The following KALRN variants were observed in gnomAD, a reference collection of about 807,000 sequenced individuals.
KALRN encodes the protein kalirin RhoGEF kinase, also known as kalirin.
In KALRN, 70 loss-of-function variants were observed where a neutral mutation model predicts 353.7. The ratio of observed to expected loss-of-function variants is 0.20; its 90% CI spans 0.16 to 0.24. The LOEUF is 0.24. Among genes scored for constraint, KALRN ranks in the 10% least tolerant of loss-of-function variants. KALRN has a pLI of 1.00. For missense variants in KALRN, 2,791 were observed against 3,756.7 expected, an observed-to-expected ratio of 0.74 and a Z score of 6.72; for synonymous variants, 1,391 against 1,434.8, an observed-to-expected ratio of 0.97 and a Z score of 0.69.
intron 14 of KALRN, among the ~76,000 whole-genome samples, chr3:124,413,989 C>G (rs1160182891): frequency 6.6e-6 from 1 of 151,956 alleles, no homozygotes; most frequent in Non-Finnish European, 1.5e-5. Flanking sequence ...GCCTATAATC[C>G]CAGCTACTCA....
At chr3:124,453,492 G>A (rs2059001838) in intron 21 of KALRN, among the ~76,000 whole-genome samples, 1 of 152,154 alleles carries the variant, frequency 6.6e-6, no homozygotes, top group Non-Finnish European at 1.5e-5. Flanking sequence ...AGGGGCTGTA[G>A]ATAGGCCTGG....
intron 1 of KALRN, among the ~76,000 whole-genome samples, chr3:124,175,583 G>A (rs936314989): frequency 6.6e-6 from 1 of 151,960 alleles, no homozygotes; most frequent in African/African-American, 2.4e-5. Context: ...CTGCTCTCCA[G>A]GATGTGGAGG....
chr3:124,362,459 T>A (rs2149694847), intron 10 of KALRN, among the ~76,000 whole-genome samples: 1 of 152,364 alleles, frequency 6.6e-6, no homozygotes, highest in Middle Eastern at 3.4e-3. Context: ...CCAAGCCTCA[T>A]CAGGATTGGT....
intron 25 of KALRN, among the ~76,000 whole-genome samples, chr3:124,472,575 A>G (rs539676529): frequency 4.2e-4 from 63 of 148,722 alleles, no homozygotes; most frequent in South Asian, 1.7e-3. Flanking sequence ...GTGTGTGTAT[A>G]TGTGTGTGTG....
In KALRN at chr3:124,719,234, A is replaced by C. The variant is rs1409264332; in HGVS notation, c.8725A>C (p.Asn2909His). Residue 2909 changes from asparagine (N) to histidine (H), a missense_variant, in exon 60 of 60, where the codon AAT becomes CAT. Physicochemically the swap from Asn to His is moderately conservative, Grantham distance 68. Coordinates refer to ENST00000682506, the MANE Select transcript of KALRN (RefSeq NM_001388419.1). This position sits in a 1 kb window ranked among gnomAD's most constrained non-coding sequence, Gnocchi z 5.3. Reference protein sequence around the residue: ...FPHEYFCGVSNAARDFINVIL... With the variant: ...FPHEYFCGVSHAARDFINVIL... ...CCATGAATACTTCTGTGGTGTGAGC[A>C]ATGCTGCCAGAGATTTCATCAATGT... The C allele has an allele frequency of 7.4e-6, 12 of 1,614,240 alleles. No homozygotes were observed. Among genetic ancestry groups the C allele is most frequent in the Middle Eastern group, 1.6e-4 (1 of 6,062 alleles).
Position 124,057,640 on chromosome 3 carries a change from G to A in KALRN, c.73+23827G>A, listed in dbSNP as rs78077463. Among the ~76,000 whole-genome samples the A allele has an allele frequency of 9.2e-3, 1,402 of 152,156 alleles. 16 individuals are homozygous for A. Among genetic ancestry groups the A allele is most frequent in the Non-Finnish European group, 0.011 (773 of 68,022 alleles). ...CGCGTGCCAAACTCCCAAGCAGAAG[G>A]AGCCTGGGCCTGGGTGGTGGAGCCC... On this transcript the variant is annotated intron_variant, in intron 1 of 59. Transcript: ENST00000682506.
intron 5 of KALRN, among the ~76,000 whole-genome samples, chr3:124,286,865 G>T (rs2075961347): frequency 6.6e-6 from 1 of 151,820 alleles, no homozygotes; most frequent in African/African-American, 2.4e-5. Context: ...ATTTTTCTCT[G>T]TCTCTTTATA....
chr3:124,372,567 AT>A (rs1430641525), intron 10 of KALRN, among the ~76,000 whole-genome samples: 17 of 151,952 alleles, frequency 1.1e-4, no homozygotes, highest in Non-Finnish European at 2.2e-4. Context: ...ACTTTGGTTT[AT>A]TCTGACTTCT....
intron 34 of KALRN, among the ~76,000 whole-genome samples, chr3:124,609,333 G>T (rs1249348907): frequency 6.6e-6 from 1 of 152,100 alleles, no homozygotes; most frequent in East Asian, 1.9e-4. Context: ...TAAGAAATGG[G>T]TGGGTGATGT....
intron 1 of KALRN, among the ~76,000 whole-genome samples, chr3:124,192,036 A>G (rs1311059412): frequency 2.6e-5 from 4 of 152,222 alleles, no homozygotes; most frequent in African/African-American, 4.8e-5. Flanking sequence ...CTAGGGGACT[A>G]CTGTTATCAG....
At chr3:124,512,224 T>G (rs909085357) in intron 33 of KALRN, among the ~76,000 whole-genome samples, 2 of 152,228 alleles carry the variant, frequency 1.3e-5, no homozygotes, top group African/African-American at 4.8e-5. Context: ...TGACATAAAC[T>G]AGTAAGTCGG....
intron 23 of KALRN, among the ~76,000 whole-genome samples, chr3:124,458,687 G>C (rs576721165): frequency 2.0e-5 from 3 of 152,208 alleles, no homozygotes; most frequent in African/African-American, 4.8e-5. Flanking sequence ...TGTAACTTTG[G>C]GGGGCTGAGG....
At chr3:124,431,264 T>C (rs559621657) in intron 16 of KALRN, among the ~76,000 whole-genome samples, 44 of 152,360 alleles carry the variant, frequency 2.9e-4, no homozygotes, top group African/African-American at 1.1e-3. Flanking sequence ...ATAATGAGCA[T>C]TGGAGCAGAT....
chr3:124,304,936 C>G (rs909287364), intron 6 of KALRN, among the ~76,000 whole-genome samples: 3 of 152,188 alleles, frequency 2.0e-5, no homozygotes, highest in Non-Finnish European at 1.5e-5. Context: ...CTACCCAGCC[C>G]TCATTCTTAG....
chr3:124,065,133 G>A (rs1312713239), intron 1 of KALRN, among the ~76,000 whole-genome samples: 1 of 152,192 alleles, frequency 6.6e-6, no homozygotes, highest in Admixed American at 6.5e-5. Context: ...TTGAGTGGAA[G>A]GAGTTCTGGA....
chr3:124,533,655 A>C (rs1038376050), intron 33 of KALRN, among the ~76,000 whole-genome samples: 7 of 152,154 alleles, frequency 4.6e-5, no homozygotes, highest in African/African-American at 1.7e-4. Context: ...TGTCAAAAAA[A>C]CCAAAAACAA....
At chr3:124,633,115 A>G (rs2080961761) in intron 35 of KALRN, among the ~76,000 whole-genome samples, 2 of 152,248 alleles carry the variant, frequency 1.3e-5, no homozygotes, top group Admixed American at 1.3e-4. Flanking sequence ...GCAGTGCCAC[A>G]CATCAAAAGG....
chr3:124,273,972 T>C (rs1395297692), intron 5 of KALRN, among the ~76,000 whole-genome samples: 1 of 152,202 alleles, frequency 6.6e-6, no homozygotes, highest in Non-Finnish European at 1.5e-5. Flanking sequence ...CCCTGTGTGA[T>C]GAAGGTGTCT....
At chr3:124,621,668 A>G (rs921734997) in intron 34 of KALRN, among the ~76,000 whole-genome samples, 1 of 152,212 alleles carries the variant, frequency 6.6e-6, no homozygotes, top group Non-Finnish European at 1.5e-5. Context: ...TCACCATAGC[A>G]GCTATCTTCA....
Sources: gnomAD v4.1 joint callset for allele counts (sites outside exome capture counted in the v4.1 genomes callset) on GRCh38, gnomAD v4.1.1 for gene constraint, Gnocchi (gnomAD v3.1) non-coding constraint, MANE v1.5 for transcripts, NCBI Gene and HGNC (gene_info 2026-07-23, HGNC 2026-07-21) for gene names.